IGF2: variants seen among roughly 807,000 people sequenced by gnomAD.
IGF2 encodes insulin-like growth factor 2.
IGF2 carries 2 observed loss-of-function variants against 12.0 expected under a neutral mutation model. The ratio of observed to expected loss-of-function variants is 0.17; its 90% confidence interval spans 0.07 to 0.52. The LOEUF (loss-of-function observed/expected upper bound fraction) is 0.52, where lower values mean the gene tolerates loss of function less well. Among genes scored for constraint, IGF2 ranks in the 20% least tolerant of loss-of-function variants. The pLI, the probability that IGF2 is intolerant of heterozygous loss-of-function variation, is 0.95. For missense variants in IGF2, 211 were observed against 268.0 expected (o/e 0.79, Z 1.48); for synonymous variants, 105 against 110.1 (o/e 0.95, Z 0.29).
chr11:2,142,142 C>A (rs1859636177), upstream of IGF2, among the ~76,000 whole-genome samples: 1 of 150,752 alleles, frequency 6.6e-6, no homozygotes, highest in Admixed American at 6.6e-5. The surrounding 1 kb of genome is among the most constrained non-coding windows in gnomAD (Gnocchi z 5.7). Context: ...GTCCATGGAA[C>A]ATTTTCTAAA....
upstream of IGF2, chr11:2,141,000 G>T (rs1859550912): frequency 3.8e-6 from 1 of 262,250 alleles, no homozygotes; most frequent in South Asian, 3.0e-5. Flanking sequence ...CGCCCAGTCC[G>T]TTGGAAGACC....
intron 1 of IGF2, chr11:2,137,145 A>G: frequency 1.2e-6 from 1 of 804,614 alleles, no homozygotes; most frequent in Non-Finnish European, 1.5e-6. Flanking sequence ...CTCAGGCTGG[A>G]GTGGGATGGC....
chr11:2,146,321 G>A, the IGF2 span: 27 of 536,070 alleles, frequency 5.0e-5, no homozygotes, highest in African/African-American at 3.8e-4. Context: ...CTTTCTCCAA[G>A]GGTCCTCAGA....
rs1858778488 is a variant in IGF2 at position 2,133,621 on chromosome 11, C to T, written c.202G>A (p.Glu68Lys). Residue 68 changes from glutamate (E) to lysine (K), a missense_variant, in exon 3 of 4, where the codon GAG becomes AAG. Around this residue, in one of 3 missense-constraint regions of IGF2, gnomAD observed 30 missense variants for 79.2 expected, o/e 0.38. Transcript: ENST00000416167. This position sits in a 1 kb window ranked among gnomAD's most constrained non-coding sequence, Gnocchi z 8.9. ...TCACAGCTGCGGAAACAGCACTCCT[C>T]AACGATGCCACGGCTGCGACGGCTC... ...RVSRRSRGIV[E>K]ECCFRSCDLA... 1 of 1,612,950 alleles carries T rather than the reference C, an allele frequency of 6.2e-7. No individual in the cohort carries two copies. Among genetic ancestry groups the T allele is most frequent in the Non-Finnish European group, 8.5e-7 (1 of 1,180,018 alleles).
chr11:2,132,977 G>T lies in IGF2; in HGVS notation c.*10C>A. On this transcript the variant is annotated 3_prime_UTR_variant, in exon 4 of 4. Coordinates refer to ENST00000416167, the MANE Select transcript of IGF2 (RefSeq NM_000612.6). ...GGTGGCGCCGGGCTGCAGACTTGCG[G>T]CAGTTTTGCTCACTTCCGATTGCTG... The T allele has an allele frequency of 1.3e-6, 2 of 1,486,308 alleles. No homozygotes were observed. The highest frequency in any genetic ancestry group is 2.4e-5 in the East Asian group (1 of 40,850). The allele number at this position is 1,486,308 out of a possible 1,614,324, so 92.1% of individuals were successfully genotyped here.
chr11:2,144,347 G>A (rs1000312512), upstream of IGF2, among the ~76,000 whole-genome samples: 6 of 151,984 alleles, frequency 3.9e-5, no homozygotes, highest in African/African-American at 1.4e-4. Context: ...GCCACCGGGG[G>A]CAGGCTAGTC....
upstream of IGF2, among the ~76,000 whole-genome samples, chr11:2,142,461 G>A (rs1859661375): frequency 6.6e-6 from 1 of 152,120 alleles, no homozygotes; most frequent in African/African-American, 2.4e-5. The surrounding 1 kb of genome is among the most constrained non-coding windows in gnomAD (Gnocchi z 5.7). Flanking sequence ...CAGTGTGCTT[G>A]AAGGAAATAT....
chr11:2,149,521 C>T, the IGF2 span: 1 of 651,852 alleles, frequency 1.5e-6, no homozygotes. Flanking sequence ...ATTTGGGGAG[C>T]TTTGTGCCAA....
chr11:2,137,174 A>T (rs1171955757), intron 1 of IGF2: 2 of 963,834 alleles, frequency 2.1e-6, no homozygotes, highest in South Asian at 9.4e-5. Flanking sequence ...TCCTCACTCC[A>T]CAGCCCTGGT....
At chr11:2,145,415 C>T (rs890871863), upstream of IGF2, among the ~76,000 whole-genome samples, 1 of 152,228 alleles carries the variant, frequency 6.6e-6, no homozygotes, top group Non-Finnish European at 1.5e-5. Flanking sequence ...TCTAGGCTCC[C>T]CCCACCTTCT....
At chr11:2,147,797 C>T in the IGF2 span, 3 of 1,248,018 alleles carry the variant, frequency 2.4e-6, no homozygotes, top group Non-Finnish European at 3.0e-6. The surrounding 1 kb of genome is among the most constrained non-coding windows in gnomAD (Gnocchi z 7.2). Flanking sequence ...TCGGTGGTGA[C>T]TCTTCGGCCC....
At chr11:2,148,719 A>C in the IGF2 span, 1 of 202,482 alleles carries the variant, frequency 4.9e-6, no homozygotes, top group Non-Finnish European at 1.0e-5. This position sits in a 1 kb window ranked among gnomAD's most constrained non-coding sequence, Gnocchi z 4.3. Context: ...TGGGAATGGG[A>C]TGGGGGATGC....
chr11:2,138,250 G>T lies in IGF2; in HGVS notation c.-28C>A. On this transcript the variant is annotated 5_prime_UTR_variant, in exon 1 of 4. Transcript: ENST00000416167. Reference sequence around the variant, plus strand: ...TTACCTGGAAGCCGGCGACGCTGCCGCCCACCTCCCTGCTGCGTGTCGCAA... The same window carrying T: ...TTACCTGGAAGCCGGCGACGCTGCCTCCCACCTCCCTGCTGCGTGTCGCAA... 1 of 985,266 alleles carries T rather than the reference G, an allele frequency of 1.0e-6. No individual in the cohort carries two copies. The highest frequency in any genetic ancestry group is 4.7e-5 in the South Asian group (1 of 21,440). The allele number at this position is 985,266 out of a possible 1,614,324, so 61.0% of individuals were successfully genotyped here. A position where few individuals can be genotyped will look rare whatever the true frequency, so the allele number is the denominator to read the frequency against.
intron 2 of IGF2, 98 bp downstream of exon 2, chr11:2,135,269 T>C (rs1405443434): frequency 2.7e-6 from 3 of 1,131,962 alleles, no homozygotes; most frequent in Non-Finnish European, 3.7e-6. Context: ...GCTGGGCTGC[T>C]GACCTAGGAG....
chr11:2,149,317 C>T, the IGF2 span: 110 of 1,612,724 alleles, frequency 6.8e-5, no homozygotes, highest in Non-Finnish European at 8.7e-5. Context: ...GCCAGGTTGA[C>T]GTGGAGGAGG....
Position 2,129,450 on chromosome 11 carries a change from C to T in IGF2, c.*3537G>A. 2 of 229,942 alleles carry T rather than the reference C, an allele frequency of 8.7e-6. No homozygotes were observed. Among genetic ancestry groups the T allele is most frequent in the Non-Finnish European group, 1.7e-5 (2 of 115,870 alleles). 14.2% of individuals were successfully genotyped at this position (229,942 alleles called of 1,614,324 possible). Reference sequence around the variant, plus strand: ...AGTGGCCCAGGGGAGAGCTGCAAACCTGGGGACGCAAGGGGCTGGTCGGCA... The same window carrying T: ...AGTGGCCCAGGGGAGAGCTGCAAACTTGGGGACGCAAGGGGCTGGTCGGCA... On this transcript the variant is annotated 3_prime_UTR_variant, in exon 4 of 4. Coordinates refer to ENST00000416167, the MANE Select transcript of IGF2 (RefSeq NM_000612.6). The surrounding 1 kb of genome is among the most constrained non-coding windows in gnomAD (Gnocchi z 8.1).
upstream of IGF2, chr11:2,140,368 C>T (rs929861219): frequency 6.4e-6 from 9 of 1,400,602 alleles, no homozygotes; most frequent in East Asian, 2.1e-4. Context: ...CACAAAATCC[C>T]GCACCCCGCC....
At chr11:2,137,468 G>A (rs1467385640) in intron 1 of IGF2, among the ~76,000 whole-genome samples, 1 of 147,358 alleles carries the variant, frequency 6.8e-6, no homozygotes, top group Non-Finnish European at 1.5e-5. Context: ...GGACCATCCC[G>A]TAGCGAAGTG....
chr11:2,130,740 A>T lies in IGF2; in HGVS notation c.*2247T>A, dbSNP rs1414108035. On this transcript the variant is annotated 3_prime_UTR_variant, in exon 4 of 4. Coordinates refer to ENST00000416167, the MANE Select transcript of IGF2 (RefSeq NM_000612.6). ...TTTCCATCCAAAATCTCCCGGGACC[A>T]CTTCCTACCCCAGAACTCCCCCCGC... The T allele has an allele frequency of 5.1e-6, 1 of 195,468 alleles. No homozygotes were observed. The highest frequency in any genetic ancestry group is 1.1e-5 in the Non-Finnish European group (1 of 94,532). The allele number at this position is 195,468 out of a possible 1,614,324, so 12.1% of individuals were successfully genotyped here. A position where few individuals can be genotyped will look rare whatever the true frequency, so the allele number is the denominator to read the frequency against.
Sources: allele counts gnomAD v4.1 joint callset (sites outside exome capture counted in the v4.1 genomes callset), GRCh38; gene constraint gnomAD v4.1.1; regional missense constraint gnomAD v4.1.1; non-coding constraint Gnocchi (gnomAD v3.1); transcripts MANE v1.5; gene names NCBI Gene and HGNC (gene_info 2026-07-23, HGNC 2026-07-21).